SRGAP2C: variants seen among roughly 807,000 people sequenced by gnomAD.
The protein encoded by SRGAP2C is SLIT-ROBO Rho GTPase activating protein 2C.
Under a neutral mutation model 25.1 loss-of-function variants are expected in SRGAP2C, and 15 were observed. The observed-to-expected ratio is 0.60, with a 90% CI of 0.40 to 0.92. The LOEUF (loss-of-function observed/expected upper bound fraction) is 0.92. Ranked by LOEUF, SRGAP2C falls within the 40% of genes least tolerant of loss-of-function variation. The pLI is 0.00. For synonymous variants in SRGAP2C, 44 were observed against 96.6 expected (o/e 0.46, Z 3.19); for missense variants, 144 against 264.4 (o/e 0.54, Z 3.16).
At chr1:121,336,654 C>T (rs1658521356) in intron 4 of SRGAP2C, among the ~76,000 whole-genome samples, 1 of 91,204 alleles carries the variant, frequency 1.1e-5, no homozygotes, top group African/African-American at 3.9e-5. Context: ...ATTTATTGTA[C>T]ATACTATTTT....
intron 3 of SRGAP2C, among the ~76,000 whole-genome samples, chr1:121,315,275 C>T (rs1214122196): frequency 5.9e-5 from 9 of 151,990 alleles, no homozygotes; most frequent in Non-Finnish European, 1.0e-4. Context: ...TCCTGAGTAG[C>T]CAGGAGTACA....
rs2101689905 is a variant in SRGAP2C, at chr1:121,391,428, G to A, written c.*3573G>A. On this transcript the variant is annotated 3_prime_UTR_variant, in exon 10 of 10. Transcript: ENST00000367123. ...ACACACACTTTGTGCCGGCTTTAAA[G>A]AACCCAGCACAAAGCCAGTCTGCAT... The A allele has an allele frequency of 6.6e-6, 1 of 152,216 alleles. No individual in the cohort carries two copies. The highest frequency in any genetic ancestry group is 1.9e-4 in the East Asian group (1 of 5,194). 9.4% of individuals were successfully genotyped at this position (152,216 alleles called of 1,614,324 possible).
chr1:121,314,583 GT>G (rs1224458528), intron 3 of SRGAP2C, among the ~76,000 whole-genome samples: 1 of 151,368 alleles, frequency 6.6e-6, no homozygotes, highest in African/African-American at 2.4e-5. Flanking sequence ...TTTGATGATG[GT>G]GATGTACAGA....
At chr1:121,279,436 A>G (rs1297778280) in intron 2 of SRGAP2C, among the ~76,000 whole-genome samples, 1 of 145,752 alleles carries the variant, frequency 6.9e-6, no homozygotes, top group African/African-American at 2.6e-5. Flanking sequence ...GGCAGTTTTC[A>G]GAGGACTGTG....
At chr1:121,374,440 T>C (rs1389596549) in intron 6 of SRGAP2C, among the ~76,000 whole-genome samples, 2 of 151,974 alleles carry the variant, frequency 1.3e-5, no homozygotes, top group Admixed American at 1.3e-4. Flanking sequence ...TCCCAATCCA[T>C]TTTCCAAATA....
intron 7 of SRGAP2C, 105 bp downstream of exon 7, chr1:121,375,059 A>G (rs1368123682): frequency 4.6e-6 from 3 of 651,998 alleles, no homozygotes; most frequent in Non-Finnish European, 8.5e-6. Context: ...CATTTTGAGA[A>G]CAATTAGGAA....
chr1:121,229,633 A>G (rs1328272929), intron 2 of SRGAP2C, among the ~76,000 whole-genome samples: 1 of 148,654 alleles, frequency 6.7e-6, no homozygotes, highest in African/African-American at 2.5e-5. Flanking sequence ...TTATTATAAT[A>G]TTATTATTCA....
In SRGAP2C at chr1:121,314,883, C is replaced by T. The variant is rs1280598306; in HGVS notation, c.261-9595C>T. 1.4e-3 allele frequency: 832 copies of T among 602,350 alleles called. 8 individuals are homozygous for T. In the African/African-American group the frequency reaches 0.014, roughly 10 times the overall value. 37.3% of individuals were successfully genotyped at this position (602,350 alleles called of 1,614,324 possible). Reference sequence around the variant, plus strand: ...TCTTCTGTGTCGCTCACGCTGGGAGCTGTAGACCGGAGCTGTTCCTATTCG... The same window carrying T: ...TCTTCTGTGTCGCTCACGCTGGGAGTTGTAGACCGGAGCTGTTCCTATTCG... On this transcript the variant is annotated intron_variant, in intron 3 of 9. Coordinates refer to ENST00000367123, the MANE Select transcript of SRGAP2C (RefSeq NM_001329984.2).
At chr1:121,322,989 T>A (rs1658242705) in intron 3 of SRGAP2C, among the ~76,000 whole-genome samples, 2 of 151,832 alleles carry the variant, frequency 1.3e-5, no homozygotes, top group Non-Finnish European at 2.9e-5. Context: ...CGCTTTGCAG[T>A]TATAGGCTTG....
chr1:121,368,487 G>A (rs1659402823), intron 5 of SRGAP2C, among the ~76,000 whole-genome samples: 1 of 149,330 alleles, frequency 6.7e-6, no homozygotes, highest in Non-Finnish European at 1.5e-5. Context: ...GTCTGAATAA[G>A]GCACCATGGG....
intron 2 of SRGAP2C, among the ~76,000 whole-genome samples, chr1:121,258,522 A>G (rs1193538852): frequency 7.3e-5 from 11 of 150,170 alleles, no homozygotes; most frequent in African/African-American, 2.7e-4. Context: ...CTGGAGTGCA[A>G]TGGCATGACC....
At chr1:121,190,290 T>C (rs1473586778) in intron 2 of SRGAP2C, among the ~76,000 whole-genome samples, 1 of 146,672 alleles carries the variant, frequency 6.8e-6, no homozygotes, top group Non-Finnish European at 1.5e-5. Context: ...GTAACAGCTA[T>C]GCAGTTTGGT....
intron 3 of SRGAP2C, among the ~76,000 whole-genome samples, chr1:121,285,404 T>TCTCACACACACACACA (rs1553336851): frequency 1.6e-5 from 2 of 124,488 alleles, no homozygotes; most frequent in African/African-American, 5.9e-5. Context: ...TCTCTCTCTC[T>TCTCACACACACACACA]CACACACACA....
intron 2 of SRGAP2C, among the ~76,000 whole-genome samples, chr1:121,188,129 C>T (rs782295256): frequency 7.2e-5 from 11 of 152,310 alleles, no homozygotes; most frequent in Non-Finnish European, 1.5e-4. Context: ...ACCCGGTCTC[C>T]GCCCTCACCT....
intron 2 of SRGAP2C, among the ~76,000 whole-genome samples, chr1:121,191,275 A>G (rs1232535966): frequency 1.3e-3 from 193 of 149,302 alleles, no homozygotes; most frequent in South Asian, 3.6e-3. Flanking sequence ...TGTGGTATTT[A>G]CGTATAACCT....
At chr1:121,219,304 G>T (rs1284475615) in intron 2 of SRGAP2C, among the ~76,000 whole-genome samples, 1 of 119,128 alleles carries the variant, frequency 8.4e-6, no homozygotes, top group Non-Finnish European at 1.7e-5. Context: ...AGTCAGTTAA[G>T]AAAGTATCAC....
intron 4 of SRGAP2C, among the ~76,000 whole-genome samples, chr1:121,332,579 C>T (rs1334072262): frequency 6.6e-6 from 1 of 151,848 alleles, no homozygotes; most frequent in Non-Finnish European, 1.5e-5. Context: ...TGTCCTTTTG[C>T]CATTAGTGAA....
intron 3 of SRGAP2C, among the ~76,000 whole-genome samples, chr1:121,298,313 ATAGT>A (rs1203399352): frequency 2.6e-5 from 4 of 152,126 alleles, no homozygotes; most frequent in Non-Finnish European, 5.9e-5. Context: ...TTTGGAGTTA[ATAGT>A]TAGCCCTATT....
rs201539761 is a variant in SRGAP2C, at chr1:121,370,439, CTTTT to C, written c.487-3515_487-3512del. ...TGGGGCCTCACTGTTCTCAGACTTC[CTTTT>C]TTTTTTTTTTTTTTTTGAGATGGAG... On this transcript the variant is annotated intron_variant, in intron 5 of 9. Transcript: ENST00000367123. 3.8e-4 allele frequency among the ~76,000 whole-genome samples: 31 copies of C among 81,760 alleles called. 1 individual carries two copies. Among genetic ancestry groups the C allele is most frequent in the African/African-American group, 1.2e-3 (26 of 21,692 alleles). The allele number at this position is 81,760 out of a possible 152,430, so 53.6% of individuals were successfully genotyped here.
Sources: allele counts gnomAD v4.1 joint callset (sites outside exome capture counted in the v4.1 genomes callset), GRCh38; gene constraint gnomAD v4.1.1; transcripts MANE v1.5; gene names NCBI Gene and HGNC (gene_info 2026-07-23, HGNC 2026-07-21).